Variants in FBN2 observed in about 807,000 individuals in gnomAD.
The protein encoded by FBN2 is fibrillin 2.
Under a neutral mutation model 355.6 loss-of-function variants are expected in FBN2, and 105 were observed. The ratio of observed to expected loss-of-function variants is 0.30; its 90% CI spans 0.25 to 0.35. FBN2 has a LOEUF of 0.35. Among genes scored for constraint, FBN2 ranks in the 10% least tolerant of loss-of-function variants. FBN2 has a pLI of 1.00. For missense variants in FBN2, 3,280 were observed against 3,758.7 expected (o/e 0.87, Z 3.33); for synonymous variants, 1,350 against 1,301.2 (o/e 1.04, Z -0.81).
At chr5:128,474,439 A>T (rs1754955301) in intron 5 of FBN2, among the ~76,000 whole-genome samples, 1 of 152,200 alleles carries the variant, frequency 6.6e-6, no homozygotes, top group African/African-American at 2.4e-5. Flanking sequence ...TTCAGGGAAA[A>T]GTGACACGTA....
In FBN2 at chr5:128,344,179, A is replaced by T. The variant is rs114326287; in HGVS notation, c.3343+206T>A. On this transcript the variant is annotated intron_variant, in intron 25 of 64. Coordinates refer to ENST00000262464, the MANE Select transcript of FBN2 (RefSeq NM_001999.4). ...GGTGGAGGGACTACTTGAGAACAGA[A>T]GTTTGAAGTTACAGTGAGCCATGAT... Among the ~76,000 whole-genome samples, 1,654 of 152,326 alleles carry T rather than the reference A, an allele frequency of 0.011. 18 individuals are homozygous for T. The highest frequency in any genetic ancestry group is 0.015 in the Non-Finnish European group (1,038 of 68,026).
chr5:128,285,303 T>G (rs1037956484), intron 55 of FBN2, among the ~76,000 whole-genome samples: 27 of 152,206 alleles, frequency 1.8e-4, no homozygotes, highest in African/African-American at 6.5e-4. Flanking sequence ...TTTGTAATAA[T>G]ATTTTTACTG....
chr5:128,309,495 C>T, intron 40 of FBN2, 96 bp from the exon 41 acceptor site: 2 of 1,034,054 alleles, frequency 1.9e-6, no homozygotes, highest in South Asian at 2.6e-5. Context: ...TCCTGATGAA[C>T]ACAACTCGGA....
chr5:128,265,494 T>C (rs963365049), intron 62 of FBN2, among the ~76,000 whole-genome samples: 4 of 152,192 alleles, frequency 2.6e-5, no homozygotes, highest in African/African-American at 9.6e-5. Context: ...GTCTGACACA[T>C]ACTTTGAACT....
chr5:128,291,523 T>C lies in FBN2; in HGVS notation c.6292+6A>G. 1 of 1,613,842 alleles carries C rather than the reference T, an allele frequency of 6.2e-7. No individual in the cohort carries two copies. Among genetic ancestry groups the C allele is most frequent in the Non-Finnish European group, 8.5e-7 (1 of 1,179,802 alleles). ...ACTGTGACAGTGAAGTCATGCCAAA[T>C]CTTACCAAAGCATCTCCGTCCATTA... On this transcript the variant is annotated splice_donor_region_variant and intron_variant, in intron 49 of 64. Coordinates refer to ENST00000262464, the MANE Select transcript of FBN2 (RefSeq NM_001999.4).
intron 34 of FBN2, among the ~76,000 whole-genome samples, chr5:128,321,744 A>C (rs894293955): frequency 6.6e-6 from 1 of 152,200 alleles, no homozygotes; most frequent in Non-Finnish European, 1.5e-5. Flanking sequence ...ACAGTGCTGC[A>C]ATAAACATAT....
rs1291320608 is a variant in FBN2, at chr5:128,278,601, T to C, written c.7345+34A>G. 77 of 1,576,956 alleles carry C rather than the reference T, an allele frequency of 4.9e-5. 1 individual carries two copies. In the Admixed American group the frequency reaches 1.3e-3, roughly 26 times the overall value. Reference sequence around the variant, plus strand: ...ATCTGAATTCATAAAATTTAATGTGTTGATTATATGAATAAATTTCCTCAA... The same window carrying C: ...ATCTGAATTCATAAAATTTAATGTGCTGATTATATGAATAAATTTCCTCAA... On this transcript the variant is annotated intron_variant, in intron 57 of 64. Coordinates refer to ENST00000262464, the MANE Select transcript of FBN2 (RefSeq NM_001999.4).
intron 7 of FBN2, among the ~76,000 whole-genome samples, chr5:128,409,543 T>C (rs1753012411): frequency 6.6e-6 from 1 of 152,214 alleles, no homozygotes; most frequent in African/African-American, 2.4e-5. Context: ...ACTTCTCTTC[T>C]AGTTCAGTAA....
chr5:128,290,912 G>T, intron 49 of FBN2, 28 bp from the exon 50 acceptor site: 1 of 1,606,342 alleles, frequency 6.2e-7, no homozygotes, highest in Non-Finnish European at 8.5e-7. Flanking sequence ...CATTACAGAT[G>T]GAATTATTTT....
intron 7 of FBN2, among the ~76,000 whole-genome samples, chr5:128,443,469 C>T (rs1753974607): frequency 6.6e-6 from 1 of 152,146 alleles, no homozygotes; most frequent in African/African-American, 2.4e-5. Flanking sequence ...GGATACAGCA[C>T]TAAAGACAGA....
chr5:128,459,793 A>T (rs1411610308), intron 6 of FBN2, among the ~76,000 whole-genome samples: 1 of 152,224 alleles, frequency 6.6e-6, no homozygotes, highest in Admixed American at 6.5e-5. Flanking sequence ...TCAGTAAACC[A>T]GGTATTGATG....
chr5:128,276,025 A>T lies in FBN2; in HGVS notation c.7594+13T>A, dbSNP rs1765386493. Reference sequence around the variant, plus strand: ...CAGACTAGGGTCACGATTGTCAGAGACTCTTCACTCACCTTTGCATGTCTT... The same window carrying T: ...CAGACTAGGGTCACGATTGTCAGAGTCTCTTCACTCACCTTTGCATGTCTT... On this transcript the variant is annotated intron_variant, in intron 59 of 64. Coordinates refer to ENST00000262464, the MANE Select transcript of FBN2 (RefSeq NM_001999.4). 2 of 1,613,182 alleles carry T rather than the reference A, an allele frequency of 1.2e-6. No individual in the cohort carries two copies. The highest frequency in any genetic ancestry group is 1.7e-6 in the Non-Finnish European group (2 of 1,179,476).
At chr5:128,311,446 C>T in intron 38 of FBN2, 21 bp from the exon 39 acceptor site, 1 of 1,613,080 alleles carries the variant, frequency 6.2e-7, no homozygotes, top group Non-Finnish European at 8.5e-7. Context: ...GGAGACAGTG[C>T]ACTTAAAACA....
chr5:128,316,952 A>G lies in FBN2; in HGVS notation c.4717+1197T>C, dbSNP rs1581211355. Among the ~76,000 whole-genome samples the G allele has an allele frequency of 2.0e-5, 3 of 152,234 alleles. No homozygotes were observed. In the South Asian group the frequency reaches 6.2e-4, roughly 32 times the overall value. ...AGTTTACTATGCAGCCTGGGTTGAG[A>G]ATCACTTTGCGAACTGGGCGACTGC... On this transcript the variant is annotated intron_variant, in intron 36 of 64. Transcript: ENST00000262464.
At chr5:128,532,855 G>T (rs985368820) in intron 2 of FBN2, among the ~76,000 whole-genome samples, 1 of 152,114 alleles carries the variant, frequency 6.6e-6, no homozygotes, top group South Asian at 2.1e-4. Flanking sequence ...AGATCAGCCT[G>T]GGCAGACCCC....
intron 6 of FBN2, among the ~76,000 whole-genome samples, chr5:128,461,306 C>T (rs1401029762): frequency 6.6e-6 from 1 of 152,128 alleles, no homozygotes; most frequent in African/African-American, 2.4e-5. Context: ...CAATGAGATA[C>T]CATCTCACAC....
At chr5:128,347,619 G>A (rs1751220042) in intron 23 of FBN2, among the ~76,000 whole-genome samples, 1 of 152,094 alleles carries the variant, frequency 6.6e-6, no homozygotes, top group Non-Finnish European at 1.5e-5. Context: ...CAAAACTTTA[G>A]TTCTCAGAAT....
intron 8 of FBN2, 138 bp from the exon 9 acceptor site, chr5:128,395,412 T>G (rs1752623502): frequency 2.1e-6 from 2 of 941,970 alleles, no homozygotes; most frequent in Non-Finnish European, 3.3e-6. Flanking sequence ...TTCACTCTCT[T>G]AATATCTCAG....
chr5:128,399,850 C>T (rs1272564255), intron 8 of FBN2, among the ~76,000 whole-genome samples: 7 of 151,726 alleles, frequency 4.6e-5, no homozygotes, highest in South Asian at 2.1e-4. Context: ...ATCGAGTTCA[C>T]GGCAGCAGGT....
Sources: gnomAD v4.1 joint callset for allele counts (sites outside exome capture counted in the v4.1 genomes callset) on GRCh38, gnomAD v4.1.1 for gene constraint, MANE v1.5 for transcripts, NCBI Gene and HGNC (gene_info 2026-07-23, HGNC 2026-07-21) for gene names.